DIAPH1: variants seen among roughly 807,000 people sequenced by gnomAD.
The protein encoded by DIAPH1 is protein diaphanous homolog 1.
Under a neutral mutation model 140.7 loss-of-function variants are expected in DIAPH1, and 46 were observed. The observed-to-expected ratio is 0.33, with a 90% CI of 0.26 to 0.42. DIAPH1 has a LOEUF of 0.42. Ranked by LOEUF, DIAPH1 falls within the 10% of genes least tolerant of loss-of-function variation. The pLI, the probability that DIAPH1 is intolerant of heterozygous loss-of-function variation, is 1.00. For synonymous variants in DIAPH1, 565 were observed against 551.6 expected, an observed-to-expected ratio of 1.02 and a Z score of -0.34; for missense variants, 1,310 against 1,558.7, an observed-to-expected ratio of 0.84 and a Z score of 2.69.
At chr5:141,552,017 A>G (rs907328320) in intron 18 of DIAPH1, among the ~76,000 whole-genome samples, 7 of 152,218 alleles carry the variant, frequency 4.6e-5, no homozygotes, top group Non-Finnish European at 8.8e-5. Flanking sequence ...CATGTGGTAG[A>G]CAGAATAATG....
chr5:141,575,015 G>A lies in DIAPH1; in HGVS notation c.1593C>T (p.Ala531=). Residue 531 remains alanine (A), a synonymous_variant, in exon 15 of 28, where the codon GCC becomes GCT. Coordinates refer to ENST00000389054, the MANE Select transcript of DIAPH1 (RefSeq NM_005219.5). The part of the protein sequence containing the change: ...DALHSEKQQI[A]TEKQDLEAEV... ...CTGCTTCCAGGTCCTGTTTCTCTGTGGCAATTTGCTGCTTTTCAGAATGCA... is the reference window on the plus strand; with the variant it reads ...CTGCTTCCAGGTCCTGTTTCTCTGTAGCAATTTGCTGCTTTTCAGAATGCA... 2 of 1,614,090 alleles carry A rather than the reference G, an allele frequency of 1.2e-6. No homozygotes were observed. Among genetic ancestry groups the A allele is most frequent in the South Asian group, 1.1e-5 (1 of 91,066 alleles).
At chr5:141,550,229 A>G (rs762543025) in intron 18 of DIAPH1, among the ~76,000 whole-genome samples, 1 of 152,240 alleles carries the variant, frequency 6.6e-6, no homozygotes, top group Non-Finnish European at 1.5e-5. Flanking sequence ...AGATAAATAA[A>G]GCACCAAAAA....
Position 141,583,217 on chromosome 5 carries a change from T to G in DIAPH1, c.609A>C (p.Glu203Asp). Residue 203 changes from glutamate to aspartate, a missense_variant, in exon 6 of 28, where the codon GAA becomes GAC. Glu to Asp is a conservative substitution (Grantham distance 45, BLOSUM62 2). Coordinates refer to ENST00000389054, the MANE Select transcript of DIAPH1 (RefSeq NM_005219.5). ...TTGGAAGTCCTCACCCAGCAGTCTC[T>G]TCTTTCTCATCATGAAGTCGTTTAA... ...DILKRLHDEK[E>D]ETAGSYDSRN... The G allele has an allele frequency of 6.2e-7, 1 of 1,614,170 alleles. No homozygotes were observed. Among genetic ancestry groups the G allele is most frequent in the Non-Finnish European group, 8.5e-7 (1 of 1,179,996 alleles).
Position 141,574,188 on chromosome 5 carries a change from T to C in DIAPH1, c.1662A>G (p.Glu554=). Residue 554 remains glutamate, a synonymous_variant, in exon 16 of 28, where the codon GAA becomes GAG. Coordinates refer to ENST00000389054, the MANE Select transcript of DIAPH1 (RefSeq NM_005219.5). ...CCATTTCTTTCTTGGCATCTTCCAG[T>C]TCCTTTGTCAGCTTGGCAACCTACA... The part of the protein sequence containing the change: ...LTGEVAKLTK[E]LEDAKKEMAS... 1.9e-6 allele frequency: 3 copies of C among 1,614,104 alleles called. No homozygotes were observed. Among genetic ancestry groups the C allele is most frequent in the Non-Finnish European group, 2.5e-6 (3 of 1,180,022 alleles).
chr5:141,611,101 AAAAAG>A (rs558835627), intron 1 of DIAPH1, among the ~76,000 whole-genome samples: 39 of 151,858 alleles, frequency 2.6e-4, no homozygotes, highest in African/African-American at 8.0e-4. Context: ...AAAAAAAGAA[AAAAAG>A]AAAAGAAAAG....
intron 18 of DIAPH1, among the ~76,000 whole-genome samples, chr5:141,548,552 T>G (rs965999288): frequency 6.6e-6 from 1 of 152,152 alleles, no homozygotes; most frequent in African/African-American, 2.4e-5. Flanking sequence ...TCAAACTGCA[T>G]GACACCAGTA....
chr5:141,537,145 A>G (rs1048439340), intron 18 of DIAPH1, among the ~76,000 whole-genome samples: 4 of 151,904 alleles, frequency 2.6e-5, no homozygotes, highest in African/African-American at 9.7e-5. Flanking sequence ...TCCAGCCTGG[A>G]TGACAGAGAG....
intron 18 of DIAPH1, chr5:141,536,017 T>C: frequency 2.1e-6 from 1 of 469,566 alleles, no homozygotes; most frequent in Non-Finnish European, 4.4e-6. Context: ...CATTCACTCT[T>C]GGCTGGGCAC....
chr5:141,618,993 G>T lies in DIAPH1; in HGVS notation c.-79C>A. ...GCTCCGCGCCCGCCGCCGCCCAGTC[G>T]CTCTTTAGCCAGCCGCCGCGCCCCG... On this transcript the variant is annotated 5_prime_UTR_variant, in exon 1 of 28. Coordinates refer to ENST00000389054, the MANE Select transcript of DIAPH1 (RefSeq NM_005219.5). The T allele has an allele frequency of 1.3e-6, 1 of 763,710 alleles. No individual in the cohort carries two copies. The highest frequency in any genetic ancestry group is 2.8e-5 in the South Asian group (1 of 35,188). The allele number at this position is 763,710 out of a possible 1,614,324, so 47.3% of individuals were successfully genotyped here. A position where few individuals can be genotyped will look rare whatever the true frequency, so the allele number is the denominator to read the frequency against.
intron 20 of DIAPH1, 124 bp from the exon 21 acceptor site, chr5:141,529,397 G>A: frequency 1.1e-6 from 1 of 941,008 alleles, no homozygotes; most frequent in Non-Finnish European, 1.7e-6. Flanking sequence ...AACATATGGT[G>A]GGAGAAGAGA....
At chr5:141,525,232 G>C (rs917026934) in intron 26 of DIAPH1, among the ~76,000 whole-genome samples, 5 of 152,296 alleles carry the variant, frequency 3.3e-5, no homozygotes, top group Admixed American at 2.6e-4. Flanking sequence ...TTGTGCCTGT[G>C]CTCTGTAAAA....
Position 141,580,738 on chromosome 5 carries a change from A to C in DIAPH1, c.824+6T>G. ...ATGGAGAAGAAAAATTATTCCAGTC[A>C]CATACATGTCCTCTGGCTGCGGTAG... On this transcript the variant is annotated splice_donor_region_variant and intron_variant, in intron 8 of 27. Coordinates refer to ENST00000389054, the MANE Select transcript of DIAPH1 (RefSeq NM_005219.5). The C allele has an allele frequency of 6.2e-7, 1 of 1,613,772 alleles. No individual in the cohort carries two copies. Among genetic ancestry groups the C allele is most frequent in the Non-Finnish European group, 8.5e-7 (1 of 1,179,984 alleles).
At chr5:141,563,677 C>T (rs975853809) in intron 18 of DIAPH1, 1 of 152,046 alleles carries the variant, frequency 6.6e-6, no homozygotes, top group Non-Finnish European at 1.5e-5. Flanking sequence ...GCAGATGGTA[C>T]CTTGGACTTA....
At chr5:141,594,111 A>G (rs993313782) in intron 1 of DIAPH1, among the ~76,000 whole-genome samples, 1 of 152,174 alleles carries the variant, frequency 6.6e-6, no homozygotes, top group Admixed American at 6.5e-5. Flanking sequence ...AAGAACTTTC[A>G]ATTCATGGCT....
intron 24 of DIAPH1, 110 bp downstream of exon 24, chr5:141,527,463 T>G (rs1214984851): frequency 8.0e-7 from 1 of 1,252,588 alleles, no homozygotes; most frequent in African/African-American, 1.5e-5. Flanking sequence ...AAAAAGAGTT[T>G]TTTAAGAGAA....
Position 141,526,015 on chromosome 5 carries a change from ATCAAC to A in DIAPH1, c.3574+18_3574+22del, listed in dbSNP as rs1303862364. On this transcript the variant is annotated intron_variant, in intron 26 of 27. Coordinates refer to ENST00000389054, the MANE Select transcript of DIAPH1 (RefSeq NM_005219.5). ...CTTCCCAACATTCCTATCTCAGCCCATCAACCCGTCTTCACTCCTCACCTGCATTC... is the reference window on the plus strand; with the variant it reads ...CTTCCCAACATTCCTATCTCAGCCCACCGTCTTCACTCCTCACCTGCATTC... 2 of 1,613,546 alleles carry A rather than the reference ATCAAC, an allele frequency of 1.2e-6. No homozygotes were observed. The highest frequency in any genetic ancestry group is 3.3e-5 in the Admixed American group (2 of 60,026).
intron 3 of DIAPH1, among the ~76,000 whole-genome samples, chr5:141,584,510 GA>G (rs1227942945): frequency 2.0e-5 from 3 of 152,074 alleles, no homozygotes; most frequent in African/African-American, 7.2e-5. Flanking sequence ...ATTATTGAAA[GA>G]AAACCACACA....
intron 13 of DIAPH1, 142 bp downstream of exon 13, chr5:141,576,614 G>T (rs2099896000): frequency 4.3e-6 from 3 of 705,400 alleles, no homozygotes; most frequent in Non-Finnish European, 7.7e-6. Context: ...TAGCAAAGAT[G>T]CTGGTTATGA....
chr5:141,529,083 G>A lies in DIAPH1; in HGVS notation c.2778+89C>T, dbSNP rs1439300162. The A allele has an allele frequency of 2.6e-6, 4 of 1,550,342 alleles. No individual in the cohort carries two copies. In the East Asian group the frequency reaches 6.7e-5, roughly 26 times the overall value. ...TTAAGACAGGTTCAAAAACAGACAA[G>A]CGGCAAGGAGCATATGCCCAGGCTG... On this transcript the variant is annotated intron_variant, in intron 21 of 27. Transcript: ENST00000389054.
Sources: allele counts gnomAD v4.1 joint callset (sites outside exome capture counted in the v4.1 genomes callset), GRCh38; gene constraint gnomAD v4.1.1; transcripts MANE v1.5; gene names NCBI Gene and HGNC (gene_info 2026-07-23, HGNC 2026-07-21).